PRKCA: variants seen among roughly 807,000 people sequenced by gnomAD.
The protein encoded by PRKCA is protein kinase C alpha type.
A neutral mutation model predicts 87.0 loss-of-function variants in PRKCA; 27 were observed. The ratio of observed to expected loss-of-function variants is 0.31; its 90% CI spans 0.23 to 0.43. The LOEUF is 0.43. Ranked by LOEUF, PRKCA falls within the 20% of genes least tolerant of loss-of-function variation. The pLI is 1.00. For synonymous variants in PRKCA, 329 were observed against 311.1 expected, an observed-to-expected ratio of 1.06 and a Z score of -0.61; for missense variants, 518 against 852.3, an observed-to-expected ratio of 0.61 and a Z score of 4.88.
intron 3 of PRKCA, among the ~76,000 whole-genome samples, chr17:66,548,893 C>T (rs113906798): frequency 0.017 from 2,654 of 152,046 alleles, 87 homozygotes; most frequent in African/African-American, 0.06. Flanking sequence ...CTGCAGCCTC[C>T]GCCTCCCGGG....
intron 3 of PRKCA, among the ~76,000 whole-genome samples, chr17:66,624,929 A>G (rs1970807384): frequency 6.6e-6 from 1 of 152,242 alleles, no homozygotes; most frequent in Non-Finnish European, 1.5e-5. Context: ...AAGGCTCAGT[A>G]GTCATAGAAA....
chr17:66,452,143 A>G (rs1350711479), intron 2 of PRKCA, among the ~76,000 whole-genome samples: 1 of 152,172 alleles, frequency 6.6e-6, no homozygotes, highest in African/African-American at 2.4e-5. Context: ...TGACCCTCCA[A>G]TTTGATTCAC....
intron 2 of PRKCA, among the ~76,000 whole-genome samples, chr17:66,478,250 GTTTAT>G (rs1374392958): frequency 1.3e-5 from 2 of 151,988 alleles, no homozygotes; most frequent in Non-Finnish European, 1.5e-5. Context: ...TTTTTTGTTT[GTTTAT>G]TTTATTTTAT....
chr17:66,573,543 A>G (rs1360624508), intron 3 of PRKCA, among the ~76,000 whole-genome samples: 6 of 152,244 alleles, frequency 3.9e-5, no homozygotes, highest in Admixed American at 3.9e-4. Flanking sequence ...AATTATAAAG[A>G]TGCTGCATGC....
chr17:66,638,709 G>A (rs557396761), intron 3 of PRKCA, among the ~76,000 whole-genome samples: 17 of 152,246 alleles, frequency 1.1e-4, no homozygotes, highest in Admixed American at 2.0e-4. Context: ...TTAGCCAGGC[G>A]TGGTAGTGGG....
intron 2 of PRKCA, among the ~76,000 whole-genome samples, chr17:66,423,351 T>G (rs1240906296): frequency 6.6e-6 from 1 of 152,200 alleles, no homozygotes; most frequent in African/African-American, 2.4e-5. Context: ...TTAACATGTT[T>G]ATGATCCCAT....
At chr17:66,310,383 G>A (rs1004562639) in intron 2 of PRKCA, among the ~76,000 whole-genome samples, 1 of 152,058 alleles carries the variant, frequency 6.6e-6, no homozygotes, top group Non-Finnish European at 1.5e-5. Context: ...TGGATTTTGA[G>A]GGGTCTGCTG....
chr17:66,389,385 C>G (rs145857267), intron 2 of PRKCA, among the ~76,000 whole-genome samples: 4 of 152,320 alleles, frequency 2.6e-5, no homozygotes, highest in African/African-American at 9.6e-5. Flanking sequence ...TCAGGCTGAC[C>G]GCAGCTAGAC....
At chr17:66,685,225 G>T (rs1461813898) in intron 5 of PRKCA, among the ~76,000 whole-genome samples, 2 of 152,016 alleles carry the variant, frequency 1.3e-5, no homozygotes, top group Non-Finnish European at 2.9e-5. Flanking sequence ...TATTTTATTT[G>T]ATTCTCCCAA....
intron 2 of PRKCA, among the ~76,000 whole-genome samples, chr17:66,411,214 G>A (rs1050886200): frequency 7.4e-5 from 11 of 147,762 alleles, no homozygotes; most frequent in Non-Finnish European, 1.2e-4. Context: ...TGAGAGTATA[G>A]TTGTGCCCCT....
intron 2 of PRKCA, among the ~76,000 whole-genome samples, chr17:66,394,387 G>A (rs9898693): frequency 0.029 from 4,446 of 152,308 alleles, 131 homozygotes; most frequent in African/African-American, 0.07. Context: ...ATTCACTTCC[G>A]AAGTATTGGC....
intron 2 of PRKCA, among the ~76,000 whole-genome samples, chr17:66,338,278 C>T (rs1906829666): frequency 6.6e-6 from 1 of 152,112 alleles, no homozygotes; most frequent in Non-Finnish European, 1.5e-5. Context: ...CTTGTCACTA[C>T]TCATTTCTGC....
intron 2 of PRKCA, among the ~76,000 whole-genome samples, chr17:66,485,050 A>G (rs1915939543): frequency 6.6e-6 from 1 of 152,138 alleles, no homozygotes; most frequent in Non-Finnish European, 1.5e-5. Flanking sequence ...CAGCTCCTTT[A>G]CATGTTTCCC....
At chr17:66,741,782 C>A in intron 12 of PRKCA, 61 bp downstream of exon 12, 1 of 1,529,568 alleles carries the variant, frequency 6.5e-7, no homozygotes. Flanking sequence ...CCTCTGTGGG[C>A]ATGTCATTCT....
At chr17:66,728,437 G>T (rs545496360) in intron 8 of PRKCA, among the ~76,000 whole-genome samples, 1 of 152,228 alleles carries the variant, frequency 6.6e-6, no homozygotes, top group Non-Finnish European at 1.5e-5. Context: ...AGCAGGAAGC[G>T]TGTGGCGTCC....
At chr17:66,414,377 G>A (rs1302390950) in intron 2 of PRKCA, among the ~76,000 whole-genome samples, 1 of 152,048 alleles carries the variant, frequency 6.6e-6, no homozygotes, top group South Asian at 2.1e-4. Flanking sequence ...CCTCCCTCCC[G>A]CTTTGCCTTC....
At chr17:66,433,292 CCCTGGCCCTGGT>C (rs1027128695) in intron 2 of PRKCA, among the ~76,000 whole-genome samples, 1 of 152,158 alleles carries the variant, frequency 6.6e-6, no homozygotes, top group East Asian at 1.9e-4. Flanking sequence ...CTGGCCCCGG[CCCTGGCCCTGGT>C]CCTGGCCCTG....
chr17:66,802,537 G>C (rs1234278062), intron 16 of PRKCA, among the ~76,000 whole-genome samples: 1 of 151,608 alleles, frequency 6.6e-6, no homozygotes, highest in Non-Finnish European at 1.5e-5. Flanking sequence ...AAAAAAAAAC[G>C]AAAGTAGGTT....
chr17:66,735,542 G>A lies in PRKCA; in HGVS notation c.1110G>A (p.Leu370=), dbSNP rs755196154. The change falls in exon 10 of 17, where the codon CTG becomes CTA. Residue 370 remains leucine (L), a synonymous_variant. Transcript: ENST00000413366. The part of the protein sequence containing the change: ...GTEELYAIKI[L]KKDVVIQDDD... ...AAGAACTGTATGCAATCAAAATCCT[G>A]AAGAAGGATGTGGTGATTCAGGATG... is the stretch of plus-strand genomic sequence containing the variant. 1 of 1,614,182 alleles carries A rather than the reference G, an allele frequency of 6.2e-7. No homozygotes were observed. The highest frequency in any genetic ancestry group is 1.7e-5 in the Admixed American group (1 of 60,026).
Sources: allele counts gnomAD v4.1 joint callset (sites outside exome capture counted in the v4.1 genomes callset), GRCh38; gene constraint gnomAD v4.1.1; transcripts MANE v1.5; gene names NCBI Gene and HGNC (gene_info 2026-07-23, HGNC 2026-07-21).